PDE7B: variants seen among roughly 807,000 people sequenced by gnomAD.
The protein encoded by PDE7B is phosphodiesterase 7B.
PDE7B carries 29 observed loss-of-function variants against 56.2 expected under a neutral mutation model. The observed-to-expected ratio is 0.52, with a 90% CI of 0.38 to 0.70. The LOEUF (loss-of-function observed/expected upper bound fraction) is 0.70. Ranked by LOEUF, PDE7B falls within the 30% of genes least tolerant of loss-of-function variation. PDE7B has a pLI of 0.00. For missense variants in PDE7B, 490 were observed against 565.0 expected, an observed-to-expected ratio of 0.87 and a Z score of 1.35; for synonymous variants, 197 against 196.9, an observed-to-expected ratio of 1.00 and a Z score of 0.00.
chr6:135,997,168 A>C (rs1304608686), intron 2 of PDE7B, among the ~76,000 whole-genome samples: 1 of 152,028 alleles, frequency 6.6e-6, no homozygotes, highest in Admixed American at 6.5e-5. Flanking sequence ...CTGAAATCCC[A>C]GCACTTTGGG....
chr6:136,108,140 A>AG (rs575931619), intron 2 of PDE7B, among the ~76,000 whole-genome samples: 2,597 of 150,174 alleles, frequency 0.017, 79 homozygotes, highest in African/African-American at 0.059. Flanking sequence ...AAAAAAAAAA[A>AG]AAAGAAAGAA....
chr6:135,940,749 C>G (rs1774494004), intron 1 of PDE7B, among the ~76,000 whole-genome samples: 1 of 152,198 alleles, frequency 6.6e-6, no homozygotes, highest in Non-Finnish European at 1.5e-5. Context: ...TGCAGCTGCA[C>G]ATCATGCAGC....
chr6:135,953,473 G>C (rs948864002), intron 2 of PDE7B, among the ~76,000 whole-genome samples: 1 of 152,066 alleles, frequency 6.6e-6, no homozygotes, highest in South Asian at 2.1e-4. Context: ...CTCTAAAACT[G>C]AATAATAAGC....
intron 4 of PDE7B, among the ~76,000 whole-genome samples, chr6:136,148,658 C>A (rs1165449746): frequency 6.6e-6 from 1 of 152,052 alleles, no homozygotes; most frequent in East Asian, 1.9e-4. Flanking sequence ...GGAGAACAAG[C>A]CTTAACTTCC....
At chr6:135,907,560 C>T (rs1776138202) in intron 1 of PDE7B, among the ~76,000 whole-genome samples, 1 of 152,028 alleles carries the variant, frequency 6.6e-6, no homozygotes, top group African/African-American at 2.4e-5. Context: ...GCCTGCAAAT[C>T]TCAAATTACT....
rs955392118 is a variant in PDE7B at position 136,191,496 on chromosome 6, A to G, written c.1127-118A>G. 3.9e-5 allele frequency: 32 copies of G among 821,002 alleles called. No homozygotes were observed. In the African/African-American group the frequency reaches 4.7e-4, roughly 12 times the overall value. The allele number at this position is 821,002 out of a possible 1,614,324, so 50.9% of individuals were successfully genotyped here. On this transcript the variant is annotated intron_variant, in intron 12 of 12. Coordinates refer to ENST00000308191, the MANE Select transcript of PDE7B (RefSeq NM_018945.4). ...AACCTGGCCAACATGGGGAAACCCC[A>G]TCTCTACTAAAGATACAAAAATTAG...
intron 1 of PDE7B, among the ~76,000 whole-genome samples, chr6:135,880,295 C>T (rs948176781): frequency 5.3e-5 from 8 of 152,136 alleles, no homozygotes; most frequent in Non-Finnish European, 1.2e-4. Context: ...CCGCTTGGGG[C>T]CATGTACTTT....
intron 1 of PDE7B, among the ~76,000 whole-genome samples, chr6:135,942,015 C>T (rs1774513682): frequency 6.6e-6 from 1 of 152,070 alleles, no homozygotes; most frequent in Non-Finnish European, 1.5e-5. Context: ...GAAGTGCTGT[C>T]GATTGAACAA....
chr6:136,051,919 C>T (rs1027239085), intron 2 of PDE7B, among the ~76,000 whole-genome samples: 5 of 152,012 alleles, frequency 3.3e-5, no homozygotes, highest in Non-Finnish European at 4.4e-5. Flanking sequence ...TTCCTAACTT[C>T]AGAACCAGGA....
intron 1 of PDE7B, among the ~76,000 whole-genome samples, chr6:135,916,710 G>A (rs903010934): frequency 6.6e-6 from 1 of 151,640 alleles, no homozygotes; most frequent in Non-Finnish European, 1.5e-5. Flanking sequence ...CTTTTTTATT[G>A]GGTTATCTGT....
chr6:136,170,488 A>G (rs558512157), intron 8 of PDE7B, among the ~76,000 whole-genome samples: 23 of 152,240 alleles, frequency 1.5e-4, no homozygotes, highest in African/African-American at 5.3e-4. Flanking sequence ...GCAACCACCC[A>G]TTCTACTTTC....
chr6:136,079,429 C>A (rs1777172131), intron 2 of PDE7B, among the ~76,000 whole-genome samples: 1 of 152,142 alleles, frequency 6.6e-6, no homozygotes, highest in African/African-American at 2.4e-5. Flanking sequence ...ATTTAAAATT[C>A]AGTTCCTGAG....
chr6:135,930,608 C>T (rs1007587899), intron 1 of PDE7B, among the ~76,000 whole-genome samples: 3 of 152,028 alleles, frequency 2.0e-5, no homozygotes, highest in Non-Finnish European at 2.9e-5. Flanking sequence ...TAAAAGGACT[C>T]GGCAATGCAT....
intron 2 of PDE7B, among the ~76,000 whole-genome samples, chr6:136,065,747 A>T (rs1368413782): frequency 1.3e-5 from 2 of 152,232 alleles, no homozygotes; most frequent in African/African-American, 2.4e-5. Flanking sequence ...TAACGTTTTC[A>T]TCTAAATAGT....
chr6:135,976,516 G>A (rs1775190196), intron 2 of PDE7B, among the ~76,000 whole-genome samples: 1 of 152,064 alleles, frequency 6.6e-6, no homozygotes, highest in Non-Finnish European at 1.5e-5. Flanking sequence ...AGAAGATGAA[G>A]GACAGCTTTC....
intron 2 of PDE7B, chr6:136,012,682 C>T (rs1775914056): frequency 1.3e-5 from 2 of 152,136 alleles, no homozygotes; most frequent in Admixed American, 1.3e-4. Context: ...AACAGGAGAG[C>T]AGCAAGGTTT....
chr6:135,971,158 G>A (rs1030310021), intron 2 of PDE7B, among the ~76,000 whole-genome samples: 1 of 152,114 alleles, frequency 6.6e-6, no homozygotes, highest in African/African-American at 2.4e-5. Context: ...CCCTAATGCA[G>A]TATGACTGAT....
intron 2 of PDE7B, among the ~76,000 whole-genome samples, chr6:136,079,726 C>CAAA (rs35447604): frequency 6.4e-5 from 6 of 94,396 alleles, no homozygotes; most frequent in South Asian, 3.6e-4. Flanking sequence ...ATTAGGAAGA[C>CAAA]AAAAAAAAAA....
chr6:135,915,254 T>C (rs1264838382), intron 1 of PDE7B, among the ~76,000 whole-genome samples: 2 of 152,236 alleles, frequency 1.3e-5, no homozygotes, highest in Non-Finnish European at 2.9e-5. Context: ...AAACAGCACG[T>C]AGGTCTTCGT....
Sources: allele counts gnomAD v4.1 joint callset (sites outside exome capture counted in the v4.1 genomes callset), GRCh38; gene constraint gnomAD v4.1.1; transcripts MANE v1.5; gene names NCBI Gene and HGNC (gene_info 2026-07-23, HGNC 2026-07-21).